ZNF462: variants seen among roughly 807,000 people sequenced by gnomAD.
The protein encoded by ZNF462 is zinc finger PBX1-interacting protein.
In ZNF462, 10 loss-of-function variants were observed where a neutral mutation model predicts 201.9. The observed-to-expected ratio is 0.05, with a 90% CI of 0.03 to 0.08. The LOEUF (loss-of-function observed/expected upper bound fraction) is 0.08, where lower values mean the gene tolerates loss of function less well. Among genes scored for constraint, ZNF462 ranks in the 10% least tolerant of loss-of-function variants. ZNF462 has a pLI of 1.00. For synonymous variants in ZNF462, 1,227 were observed against 1,193.3 expected, an observed-to-expected ratio of 1.03 and a Z score of -0.58; for missense variants, 2,523 against 3,168.3, an observed-to-expected ratio of 0.80 and a Z score of 4.89.
At position 106,935,920 on chromosome 9, in the gene ZNF462, A is replaced by G. The variant is rs184684589; in HGVS notation, c.6235+299A>G. Among the ~76,000 whole-genome samples, 3 of 152,236 alleles carry G rather than the reference A, an allele frequency of 2.0e-5. No individual in the cohort carries two copies. The highest frequency in any genetic ancestry group is 4.4e-5 in the Non-Finnish European group (3 of 68,048). ...TGGTGATTTTTACAGAAATTTCTAA[A>G]CTGCCTATACTTTCTAATTCAATTG... On this transcript the variant is annotated intron_variant, in intron 6 of 12. Coordinates refer to ENST00000277225, the MANE Select transcript of ZNF462 (RefSeq NM_021224.6). The surrounding 1 kb of genome is among the most constrained non-coding windows in gnomAD (Gnocchi z 4.1).
intron 7 of ZNF462, among the ~76,000 whole-genome samples, chr9:106,964,419 A>C (rs1191568587): frequency 6.6e-6 from 1 of 152,104 alleles, no homozygotes; most frequent in Non-Finnish European, 1.5e-5. Flanking sequence ...ATGTAAATAC[A>C]TGTATTCACC....
chr9:106,861,289 A>G (rs140962523), upstream of ZNF462, among the ~76,000 whole-genome samples: 172 of 152,192 alleles, frequency 1.1e-3, no homozygotes, highest in African/African-American at 4.0e-3. Context: ...AAGCCCCGCT[A>G]TCGGATGGGA....
chr9:107,010,894 A>G lies in ZNF462; in HGVS notation c.7385A>G (p.Lys2462Arg). Residue 2462 changes from lysine to arginine, a missense_variant, in exon 13 of 13, where the codon AAA becomes AGA. By Grantham distance (26) the Lys-to-Arg change is conservative. Around this residue, in one of 15 missense-constraint regions of ZNF462, gnomAD observed 67 missense variants for 63.2 expected, o/e 1.06. Coordinates refer to ENST00000277225, the MANE Select transcript of ZNF462 (RefSeq NM_021224.6). The surrounding 1 kb of genome is among the most constrained non-coding windows in gnomAD (Gnocchi z 4.6). ...HPKEIMENSV[K>R]MPSIEEKEDD... Reference sequence around the variant, plus strand: ...AAAGAGATCATGGAGAACAGTGTTAAAATGCCCTCCATAGAGGAAAAGGAA... The same window carrying G: ...AAAGAGATCATGGAGAACAGTGTTAGAATGCCCTCCATAGAGGAAAAGGAA... The G allele has an allele frequency of 6.2e-7, 1 of 1,613,648 alleles. No homozygotes were observed. Among genetic ancestry groups the G allele is most frequent in the Non-Finnish European group, 8.5e-7 (1 of 1,179,816 alleles).
rs1467184943 is a variant in ZNF462, at chr9:106,978,380, C to T, written c.6832+4107C>T. ...AGTATGTTCTGGCCAAAGTATGAAG[C>T]GCCTGGATACTAATATAGAAGTTGG... On this transcript the variant is annotated intron_variant, in intron 9 of 12. Transcript: ENST00000277225. The surrounding 1 kb of genome is among the most constrained non-coding windows in gnomAD (Gnocchi z 4.1). Among the ~76,000 whole-genome samples, 2 of 151,586 alleles carry T rather than the reference C, an allele frequency of 1.3e-5. No homozygotes were observed. Among genetic ancestry groups the T allele is most frequent in the Non-Finnish European group, 1.5e-5 (1 of 68,024 alleles).
At position 106,924,340 on chromosome 9, in the gene ZNF462, C is replaced by G. The variant is rs1488606431; in HGVS notation, c.428C>G (p.Pro143Arg). 3 of 1,614,144 alleles carry G rather than the reference C, an allele frequency of 1.9e-6. No individual in the cohort carries two copies. Among genetic ancestry groups the G allele is most frequent in the East Asian group, 2.2e-5 (1 of 44,884 alleles). Residue 143 changes from proline to arginine, a missense_variant, in exon 3 of 13, where the codon CCT (proline) becomes CGT (arginine). This residue lies in a region of ZNF462 where 480 missense variants were observed against 544.4 expected (regional missense o/e 0.88). Coordinates refer to ENST00000277225, the MANE Select transcript of ZNF462 (RefSeq NM_021224.6). This position sits in a 1 kb window ranked among gnomAD's most constrained non-coding sequence, Gnocchi z 6.2. The part of the protein sequence containing the change: ...AQAEGSSSGP[P>R]VPGSLNYNIM... ...GCTGAAGGGAGTTCATCAGGACCCC[C>G]TGTCCCGGGATCCTTAAATTATAAT...
chr9:106,964,084 T>C (rs1831964647), intron 7 of ZNF462, among the ~76,000 whole-genome samples: 1 of 151,698 alleles, frequency 6.6e-6, no homozygotes, highest in Non-Finnish European at 1.5e-5. Flanking sequence ...GATGAACACT[T>C]AGGTTGCTTC....
At chr9:106,991,695 G>A (rs977227606) in intron 10 of ZNF462, among the ~76,000 whole-genome samples, 2 of 151,924 alleles carry the variant, frequency 1.3e-5, no homozygotes, top group Admixed American at 1.3e-4. Flanking sequence ...CAAAAGTCAA[G>A]AAATAAACCC....
At position 106,916,264 on chromosome 9, in the gene ZNF462, A is replaced by G. The variant is rs1465626893; in HGVS notation, c.-30-7090A>G. On this transcript the variant is annotated intron_variant, in intron 1 of 12. Transcript: ENST00000277225. ...TTGTGAGGCACGAACACTTTGGGCC[A>G]TGAAGACGCACCCAAGGCCCAAGGT... Among the ~76,000 whole-genome samples the G allele has an allele frequency of 5.3e-5, 8 of 152,200 alleles. No homozygotes were observed. In the East Asian group the frequency reaches 9.6e-4, roughly 18 times the overall value.
rs1274332065 is a variant in ZNF462, at chr9:106,880,224, A to T, written c.-31+16869A>T. ...AGATGCTGATCAGTGGAAGCACTGC[A>T]AAGCCTGACTCTTCAGATATTCCCG... On this transcript the variant is annotated intron_variant, in intron 1 of 12. Coordinates refer to ENST00000277225, the MANE Select transcript of ZNF462 (RefSeq NM_021224.6). The surrounding 1 kb of genome is among the most constrained non-coding windows in gnomAD (Gnocchi z 4.1). 1.3e-5 allele frequency among the ~76,000 whole-genome samples: 2 copies of T among 152,154 alleles called. No homozygotes were observed. The highest frequency in any genetic ancestry group is 4.8e-5 in the African/African-American group (2 of 41,436).
At chr9:106,910,825 C>G (rs1429318684) in intron 1 of ZNF462, among the ~76,000 whole-genome samples, 1 of 152,110 alleles carries the variant, frequency 6.6e-6, no homozygotes, top group Non-Finnish European at 1.5e-5. Flanking sequence ...TGAGAGATTT[C>G]CAGACACATC....
chr9:106,921,072 T>C (rs1046467585), intron 1 of ZNF462, among the ~76,000 whole-genome samples: 76 of 152,216 alleles, frequency 5.0e-4, no homozygotes, highest in Non-Finnish European at 9.7e-4. Context: ...GGCTGGTGAT[T>C]AACAAAGGTC....
In ZNF462 at chr9:106,880,835, C is replaced by T. The variant is rs141102250; in HGVS notation, c.-31+17480C>T. Among the ~76,000 whole-genome samples, 24 of 152,298 alleles carry T rather than the reference C, an allele frequency of 1.6e-4. No homozygotes were observed. Among genetic ancestry groups the T allele is most frequent in the African/African-American group, 5.8e-4 (24 of 41,578 alleles). Reference sequence around the variant, plus strand: ...CAAGATGGATTGGGTCCACACATTCCTAGACCTTTGACCTTTATACCTGTA... The same window carrying T: ...CAAGATGGATTGGGTCCACACATTCTTAGACCTTTGACCTTTATACCTGTA... On this transcript the variant is annotated intron_variant, in intron 1 of 12. Transcript: ENST00000277225. The surrounding 1 kb of genome is among the most constrained non-coding windows in gnomAD (Gnocchi z 4.1).
chr9:106,992,606 G>A (rs1185865146), intron 10 of ZNF462, among the ~76,000 whole-genome samples: 1 of 152,032 alleles, frequency 6.6e-6, no homozygotes, highest in Non-Finnish European at 1.5e-5. Flanking sequence ...AATGTTACGT[G>A]GACAGAAGCT....
Position 106,895,541 on chromosome 9 carries a change from GC to G in ZNF462, c.-30-27810del. 6.6e-6 allele frequency among the ~76,000 whole-genome samples: 1 copy of G among 152,238 alleles called. No individual in the cohort carries two copies. The highest frequency in any genetic ancestry group is 3.4e-3 in the Middle Eastern group (1 of 294). ...GGCACAGCTTTCGTTATATCACATT[GC>G]CCTGATTAAGGATGATAAGAGATCC... On this transcript the variant is annotated intron_variant, in intron 1 of 12. Coordinates refer to ENST00000277225, the MANE Select transcript of ZNF462 (RefSeq NM_021224.6). The surrounding 1 kb of genome is among the most constrained non-coding windows in gnomAD (Gnocchi z 4.4).
chr9:106,903,549 G>A (rs1287853700), intron 1 of ZNF462, among the ~76,000 whole-genome samples: 5 of 151,978 alleles, frequency 3.3e-5, no homozygotes. Flanking sequence ...CTATTATTGT[G>A]TTGTTATCTC....
Position 106,870,922 on chromosome 9 carries a change from G to A in ZNF462, c.-31+7567G>A, listed in dbSNP as rs1307313956. 6.6e-6 allele frequency among the ~76,000 whole-genome samples: 1 copy of A among 152,160 alleles called. No individual in the cohort carries two copies. Among genetic ancestry groups the A allele is most frequent in the Non-Finnish European group, 1.5e-5 (1 of 68,036 alleles). On this transcript the variant is annotated intron_variant, in intron 1 of 12. Transcript: ENST00000277225. This position sits in a 1 kb window ranked among gnomAD's most constrained non-coding sequence, Gnocchi z 4.3. ...TTGGAATTCTTCTTTTTCCTGTTCA[G>A]ATTTAAGAAGGTAATGCCATTATTC...
At chr9:106,960,726 T>G (rs1831795756) in intron 7 of ZNF462, among the ~76,000 whole-genome samples, 1 of 151,802 alleles carries the variant, frequency 6.6e-6, no homozygotes, top group Admixed American at 6.6e-5. Context: ...TCAAGGAGGG[T>G]TTTTAAGAAC....
At chr9:106,878,549 G>A (rs1020200110) in intron 1 of ZNF462, among the ~76,000 whole-genome samples, 5 of 152,140 alleles carry the variant, frequency 3.3e-5, no homozygotes, top group East Asian at 1.9e-4. Flanking sequence ...TACTAAGCAC[G>A]GCTACAGTAT....
rs185640538 is a variant in ZNF462 at position 106,902,114 on chromosome 9, C to T, written c.-30-21240C>T. ...TCTCTCGTATGCTGATTTTGCCAAG[C>T]GTTTTAATCATAAAGGGATGCTGGA... On this transcript the variant is annotated intron_variant, in intron 1 of 12. Transcript: ENST00000277225. This position sits in a 1 kb window ranked among gnomAD's most constrained non-coding sequence, Gnocchi z 4.2. Among the ~76,000 whole-genome samples the T allele has an allele frequency of 3.3e-5, 5 of 151,722 alleles. No homozygotes were observed. Among genetic ancestry groups the T allele is most frequent in the Admixed American group, 6.6e-5 (1 of 15,228 alleles).
Sources: allele counts gnomAD v4.1 joint callset (sites outside exome capture counted in the v4.1 genomes callset), GRCh38; gene constraint gnomAD v4.1.1; regional missense constraint gnomAD v4.1.1; non-coding constraint Gnocchi (gnomAD v3.1); transcripts MANE v1.5; gene names NCBI Gene and HGNC (gene_info 2026-07-23, HGNC 2026-07-21).